Variants in PCCA observed in about 807,000 individuals in gnomAD.
The protein encoded by PCCA is propionyl-CoA carboxylase subunit alpha.
PCCA carries 74 observed loss-of-function variants against 101.3 expected under a neutral mutation model. The ratio of observed to expected loss-of-function variants is 0.73; its 90% confidence interval spans 0.61 to 0.89. The LOEUF is 0.89. Among genes scored for constraint, PCCA ranks in the 40% least tolerant of loss-of-function variants. The pLI is 0.00. For missense variants in PCCA, 891 were observed against 907.0 expected (o/e 0.98, Z 0.23); for synonymous variants, 294 against 313.6 (o/e 0.94, Z 0.66).
intron 1 of PCCA, among the ~76,000 whole-genome samples, chr13:100,089,519 A>T (rs1367508999): frequency 6.6e-6 from 1 of 152,236 alleles, no homozygotes; most frequent in African/African-American, 2.4e-5. Flanking sequence ...TTGGGCAGGC[A>T]TATTGCTCGA....
At chr13:100,129,551 C>G (rs1452749192) in intron 4 of PCCA, among the ~76,000 whole-genome samples, 1 of 152,136 alleles carries the variant, frequency 6.6e-6, no homozygotes, top group Non-Finnish European at 1.5e-5. Context: ...TTCTCCCTGA[C>G]CAGTAGTTTT....
At chr13:100,104,071 T>C (rs1470828527) in intron 2 of PCCA, among the ~76,000 whole-genome samples, 1 of 152,194 alleles carries the variant, frequency 6.6e-6, no homozygotes, top group Non-Finnish European at 1.5e-5. Flanking sequence ...AAAATATGGT[T>C]TCATGCCTTC....
chr13:100,100,735 A>T (rs1458232775), intron 1 of PCCA, among the ~76,000 whole-genome samples: 2 of 151,554 alleles, frequency 1.3e-5, no homozygotes, highest in African/African-American at 4.8e-5. Context: ...AATGGTTCAC[A>T]TTGGTAGTTG....
chr13:100,300,006 A>G (rs2065932375), intron 12 of PCCA, among the ~76,000 whole-genome samples: 1 of 152,214 alleles, frequency 6.6e-6, no homozygotes, highest in South Asian at 2.1e-4. Context: ...GAAGCGCCAC[A>G]CCCATCCAGG....
At chr13:100,091,515 T>C (rs1211711013) in intron 1 of PCCA, among the ~76,000 whole-genome samples, 1 of 152,216 alleles carries the variant, frequency 6.6e-6, no homozygotes, top group African/African-American at 2.4e-5. Flanking sequence ...CTAGGGGAAC[T>C]TGAGCTGCTG....
At chr13:100,157,828 A>G (rs2054031620) in intron 6 of PCCA, among the ~76,000 whole-genome samples, 2 of 152,112 alleles carry the variant, frequency 1.3e-5, no homozygotes. Flanking sequence ...TTCATTCAAG[A>G]TGGTACTGAA....
chr13:100,265,538 C>G (rs922408548), intron 10 of PCCA, among the ~76,000 whole-genome samples: 2 of 152,128 alleles, frequency 1.3e-5, no homozygotes, highest in African/African-American at 4.8e-5. Flanking sequence ...TTAGACTTCA[C>G]CTGTCAACCT....
intron 20 of PCCA, among the ~76,000 whole-genome samples, chr13:100,447,620 C>G (rs937123029): frequency 3.3e-5 from 5 of 151,588 alleles, no homozygotes; most frequent in African/African-American, 1.2e-4. Flanking sequence ...TGCTGTGAGC[C>G]GAGATGGTGC....
chr13:100,411,980 A>G (rs1007673329), intron 19 of PCCA, among the ~76,000 whole-genome samples: 1 of 152,246 alleles, frequency 6.6e-6, no homozygotes, highest in Non-Finnish European at 1.5e-5. Flanking sequence ...ATTCAGGTTG[A>G]GAGAGACACC....
At chr13:100,125,360 A>G (rs550179838) in intron 4 of PCCA, among the ~76,000 whole-genome samples, 25 of 152,344 alleles carry the variant, frequency 1.6e-4, no homozygotes, top group Non-Finnish European at 2.6e-4. Flanking sequence ...TATAGTTGCC[A>G]TTCTTCAATA....
intron 4 of PCCA, chr13:100,154,736 A>T (rs886535267): frequency 2.1e-6 from 1 of 479,966 alleles, no homozygotes; most frequent in Non-Finnish European, 3.8e-6. Context: ...ACATAAAGAG[A>T]TAGGGGATAT....
At chr13:100,448,764 A>G (rs2081017333) in intron 20 of PCCA, among the ~76,000 whole-genome samples, 1 of 152,180 alleles carries the variant, frequency 6.6e-6, no homozygotes, top group Admixed American at 6.5e-5. Context: ...AACAAATGCT[A>G]ATTCATTTTC....
chr13:100,510,159 A>G (rs904822454), intron 21 of PCCA, among the ~76,000 whole-genome samples: 6 of 152,224 alleles, frequency 3.9e-5, no homozygotes, highest in African/African-American at 9.6e-5. Context: ...TTTGCTGTAT[A>G]TGAAGAAATC....
Position 100,268,684 on chromosome 13 carries a change from T to C in PCCA, c.820-5T>C. 1 of 1,606,426 alleles carries C rather than the reference T, an allele frequency of 6.2e-7. No individual in the cohort carries two copies. ...ATGGTTTTTCAAATGGTATTGCTCT[T>C]TCAGGTTCTAGGTGATAAACATGGG... On this transcript the variant is annotated splice_region_variant and splice_polypyrimidine_tract_variant and intron_variant, in intron 10 of 23. Coordinates refer to ENST00000376285, the MANE Select transcript of PCCA (RefSeq NM_000282.4).
intron 7 of PCCA, among the ~76,000 whole-genome samples, chr13:100,233,570 G>A (rs1456570060): frequency 6.6e-6 from 1 of 152,126 alleles, no homozygotes; most frequent in Non-Finnish European, 1.5e-5. Context: ...ATTTTGTAGA[G>A]CCTGATAATA....
intron 17 of PCCA, among the ~76,000 whole-genome samples, chr13:100,331,934 A>ATTTTTTTTTTTTTTT (rs34411352): frequency 1.1e-5 from 1 of 89,768 alleles, no homozygotes; most frequent in Non-Finnish European, 2.0e-5. Flanking sequence ...ATTACTTTGG[A>ATTTTTTTTTTTTTTT]TTTTTTTTTT....
At chr13:100,504,280 G>T (rs2085900241) in intron 21 of PCCA, among the ~76,000 whole-genome samples, 1 of 152,200 alleles carries the variant, frequency 6.6e-6, no homozygotes, top group African/African-American at 2.4e-5. Context: ...AAAGATTATA[G>T]TCAGATCCAC....
rs2080755265 is a variant in PCCA, at chr13:100,445,401, AT to A, written c.1846-3850del. Among the ~76,000 whole-genome samples the A allele has an allele frequency of 9.5e-5, 14 of 146,768 alleles. No homozygotes were observed. In the South Asian group the frequency reaches 3.0e-3, roughly 31 times the overall value. ...GGCTACATTGAGCTAATTAACATAT[AT>A]GTATTACCTCATATACTTATTCTGT... On this transcript the variant is annotated intron_variant, in intron 20 of 23. Transcript: ENST00000376285.
intron 21 of PCCA, among the ~76,000 whole-genome samples, chr13:100,449,721 CT>C: frequency 6.6e-6 from 1 of 152,198 alleles, no homozygotes; most frequent in East Asian, 1.9e-4. Context: ...AACTCCTGGC[CT>C]CAAGTGATCC....
Sources: gnomAD v4.1 joint callset for allele counts (sites outside exome capture counted in the v4.1 genomes callset) on GRCh38, gnomAD v4.1.1 for gene constraint, MANE v1.5 for transcripts, NCBI Gene and HGNC (gene_info 2026-07-23, HGNC 2026-07-21) for gene names.